ERC2: variants seen among roughly 807,000 people sequenced by gnomAD.
ERC2 encodes the protein ELKS/RAB6-interacting/CAST family member 2.
Under a neutral mutation model 114.8 loss-of-function variants are expected in ERC2, and 42 were observed. The observed-to-expected ratio is 0.37, with a 90% CI of 0.29 to 0.47. ERC2 has a LOEUF of 0.47. Among genes scored for constraint, ERC2 ranks in the 20% least tolerant of loss-of-function variants. The pLI, the probability that ERC2 is intolerant of heterozygous loss-of-function variation, is 0.99. For synonymous variants in ERC2, 454 were observed against 425.5 expected (o/e 1.07, Z -0.82); for missense variants, 939 against 1,150.7 (o/e 0.82, Z 2.66).
chr3:55,773,294 C>T (rs1252710670), intron 14 of ERC2, among the ~76,000 whole-genome samples: 4 of 152,208 alleles, frequency 2.6e-5, no homozygotes, highest in East Asian at 1.9e-4. Context: ...CTGCCTGGAG[C>T]GCTCTTCCCT....
At chr3:56,033,030 C>CAGAAAGAAAGAGAAAGAA in intron 7 of ERC2, among the ~76,000 whole-genome samples, 2 of 65,184 alleles carry the variant, frequency 3.1e-5, no homozygotes, top group Non-Finnish European at 6.8e-5. Context: ...AAAAAAGAAA[C>CAGAAAGAAAGAGAAAGAA]AGAAAGAAAG....
chr3:56,286,612 T>C (rs1381353595), intron 3 of ERC2, among the ~76,000 whole-genome samples: 2 of 152,142 alleles, frequency 1.3e-5, no homozygotes, highest in Non-Finnish European at 2.9e-5. Context: ...ACTTATTATC[T>C]AATTCAGGGG....
At chr3:56,421,657 A>G (rs2061394765) in intron 2 of ERC2, among the ~76,000 whole-genome samples, 1 of 152,172 alleles carries the variant, frequency 6.6e-6, no homozygotes, top group Non-Finnish European at 1.5e-5. Flanking sequence ...AGTGATAGAG[A>G]TGTGTATGTG....
chr3:55,528,632 T>G (rs905293790), intron 17 of ERC2, among the ~76,000 whole-genome samples: 3 of 152,234 alleles, frequency 2.0e-5, no homozygotes, highest in Non-Finnish European at 2.9e-5. Flanking sequence ...AGATATTTCT[T>G]GAGCATCCAT....
intron 14 of ERC2, among the ~76,000 whole-genome samples, chr3:55,837,539 G>T (rs1207832270): frequency 6.7e-6 from 1 of 149,168 alleles, no homozygotes; most frequent in East Asian, 2.0e-4. Flanking sequence ...TCACTCATAG[G>T]TGGGAAATGA....
intron 15 of ERC2, among the ~76,000 whole-genome samples, chr3:55,717,440 C>A (rs1375709833): frequency 1.3e-5 from 2 of 152,124 alleles, no homozygotes; most frequent in Non-Finnish European, 2.9e-5. Flanking sequence ...GCTTCTTTAA[C>A]CTTCTCCTTC....
At chr3:55,800,310 A>T (rs2149099113) in intron 14 of ERC2, among the ~76,000 whole-genome samples, 1 of 152,046 alleles carries the variant, frequency 6.6e-6, no homozygotes, top group African/African-American at 2.4e-5. Context: ...CGCCCGGCTA[A>T]TTTTTGTATT....
At chr3:56,409,754 GA>G (rs1053347073) in intron 2 of ERC2, among the ~76,000 whole-genome samples, 3 of 152,130 alleles carry the variant, frequency 2.0e-5, no homozygotes, top group Non-Finnish European at 4.4e-5. Flanking sequence ...TCAACTCCCT[GA>G]CCCCCAGCTA....
chr3:55,624,621 G>T (rs1410381803), intron 17 of ERC2, among the ~76,000 whole-genome samples: 1 of 152,188 alleles, frequency 6.6e-6, no homozygotes, highest in Non-Finnish European at 1.5e-5. Flanking sequence ...CTGAGGCTCA[G>T]CTCTGCCACT....
At chr3:56,148,949 C>A in intron 5 of ERC2, 28 bp downstream of exon 5, 1 of 1,604,490 alleles carries the variant, frequency 6.2e-7, no homozygotes. Flanking sequence ...ACATTAAGAA[C>A]ATAAAAGTTT....
chr3:56,185,508 T>C (rs2083545059), intron 3 of ERC2, among the ~76,000 whole-genome samples: 1 of 152,196 alleles, frequency 6.6e-6, no homozygotes, highest in Non-Finnish European at 1.5e-5. Context: ...CATCCATACA[T>C]AAGCGATTTA....
At chr3:56,424,231 G>T (rs1052247081) in intron 2 of ERC2, among the ~76,000 whole-genome samples, 1 of 152,078 alleles carries the variant, frequency 6.6e-6, no homozygotes, top group African/African-American at 2.4e-5. Flanking sequence ...AGTACCCTTG[G>T]CGCAAGTGAG....
At chr3:55,572,860 G>T (rs973118230) in intron 17 of ERC2, among the ~76,000 whole-genome samples, 4 of 152,192 alleles carry the variant, frequency 2.6e-5, no homozygotes, top group Admixed American at 2.0e-4. Context: ...CCACTAAGGG[G>T]TTTTTTCTAC....
At chr3:56,288,804 C>T (rs2054891862) in intron 3 of ERC2, among the ~76,000 whole-genome samples, 1 of 152,136 alleles carries the variant, frequency 6.6e-6, no homozygotes, top group Admixed American at 6.5e-5. Flanking sequence ...AAACTAGCAT[C>T]AGTCAATGAA....
At position 55,985,307 on chromosome 3, in the gene ERC2, C is replaced by A. The variant is rs188604549; in HGVS notation, c.2267+670G>T. On this transcript the variant is annotated intron_variant, in intron 12 of 17. Coordinates refer to ENST00000288221, the MANE Select transcript of ERC2 (RefSeq NM_015576.3). Reference sequence around the variant, plus strand: ...TTTCATTTCTTAATATTGGGGTACACACAGTCAACAATGAATCAGGTCTTA... The same window carrying A: ...TTTCATTTCTTAATATTGGGGTACAAACAGTCAACAATGAATCAGGTCTTA... Among the ~76,000 whole-genome samples the A allele has an allele frequency of 6.3e-4, 96 of 152,282 alleles. 1 individual carries two copies. The East Asian group carries it at 0.015, about 24-fold the overall frequency.
At chr3:55,565,733 T>G (rs1343637593) in intron 17 of ERC2, among the ~76,000 whole-genome samples, 2 of 152,354 alleles carry the variant, frequency 1.3e-5, no homozygotes, top group African/African-American at 4.8e-5. Context: ...TGAAACATCG[T>G]GTTGAAAACT....
intron 12 of ERC2, among the ~76,000 whole-genome samples, chr3:55,952,169 ACACACACACACTCTCTCTCT>A (rs2067590407): frequency 3.3e-5 from 2 of 61,248 alleles, no homozygotes; most frequent in African/African-American, 1.1e-4. Flanking sequence ...ACACACACAC[ACACACACACACTCTCTCTCT>A]CTCTCTCTCT....
intron 17 of ERC2, among the ~76,000 whole-genome samples, chr3:55,546,726 A>C (rs2054779587): frequency 6.6e-6 from 1 of 152,234 alleles, no homozygotes; most frequent in South Asian, 2.1e-4. Flanking sequence ...GTCTATGCAC[A>C]GCCAGCCAGT....
intron 3 of ERC2, among the ~76,000 whole-genome samples, chr3:56,184,240 T>C (rs2083458474): frequency 6.6e-6 from 1 of 152,192 alleles, no homozygotes; most frequent in South Asian, 2.1e-4. Flanking sequence ...CCAGTTGTGT[T>C]ATGTTAGCAA....
Sources: allele counts gnomAD v4.1 joint callset (sites outside exome capture counted in the v4.1 genomes callset), GRCh38; gene constraint gnomAD v4.1.1; transcripts MANE v1.5; gene names NCBI Gene and HGNC (gene_info 2026-07-23, HGNC 2026-07-21).